The following TSHZ3 variants were observed in gnomAD, a reference collection of about 807,000 sequenced individuals.
TSHZ3 encodes teashirt zinc finger homeobox 3, also known as teashirt homolog 3.
Under a neutral mutation model 64.5 loss-of-function variants are expected in TSHZ3, and 10 were observed. The ratio of observed to expected loss-of-function variants is 0.16; its 90% confidence interval spans 0.10 to 0.26. TSHZ3 has a LOEUF of 0.26. TSHZ3 is among the 10% of genes least tolerant of loss of function. The pLI, the probability that TSHZ3 is intolerant of heterozygous loss-of-function variation, is 1.00. For missense variants in TSHZ3, 1,242 were observed against 1,421.7 expected, an observed-to-expected ratio of 0.87 and a Z score of 2.03; for synonymous variants, 608 against 593.1, an observed-to-expected ratio of 1.03 and a Z score of -0.36.
intron 1 of TSHZ3, among the ~76,000 whole-genome samples, chr19:31,265,981 G>A (rs1976049251): frequency 6.6e-6 from 1 of 152,134 alleles, no homozygotes; most frequent in Non-Finnish European, 1.5e-5. Flanking sequence ...AAGATCCTGA[G>A]CAAATTCCTG....
chr19:31,305,476 C>A (rs1229292957), intron 1 of TSHZ3: 1 of 152,204 alleles, frequency 6.6e-6, no homozygotes, highest in African/African-American at 2.4e-5. Flanking sequence ...AGGAAAAGCA[C>A]TAATTTCATA....
chr19:31,183,228 T>TTC (rs71173953), intron 5 of TSHZ3, among the ~76,000 whole-genome samples: 506 of 12,450 alleles, frequency 0.041, 23 homozygotes, highest in African/African-American at 0.093. Context: ...CTCTCTCTCT[T>TTC]TCTCTCTCTC....
intron 1 of TSHZ3, among the ~76,000 whole-genome samples, chr19:31,290,914 T>C (rs1976554458): frequency 6.6e-6 from 1 of 152,232 alleles, no homozygotes; most frequent in Non-Finnish European, 1.5e-5. Context: ...GTCAGGAATA[T>C]TAATTTTGTA....
chr19:31,243,738 C>T (rs983218174), intron 1 of TSHZ3, among the ~76,000 whole-genome samples: 3 of 152,224 alleles, frequency 2.0e-5, no homozygotes, highest in Admixed American at 2.0e-4. Context: ...GAGTGGTGTT[C>T]ATCGAGCTCT....
chr19:31,257,837 C>A (rs535318862), intron 1 of TSHZ3, among the ~76,000 whole-genome samples: 1 of 152,122 alleles, frequency 6.6e-6, no homozygotes, highest in Non-Finnish European at 1.5e-5. Flanking sequence ...AAGTTGGGCA[C>A]GAAAGCAGAT....
intron 3 of TSHZ3, among the ~76,000 whole-genome samples, chr19:31,241,683 C>T (rs571565773): frequency 2.9e-4 from 44 of 152,348 alleles, no homozygotes; most frequent in African/African-American, 9.6e-4. Context: ...CTCAGCTCAG[C>T]ATGCCCACCA....
At chr19:31,202,350 A>T (rs757799442) in intron 5 of TSHZ3, among the ~76,000 whole-genome samples, 1 of 152,196 alleles carries the variant, frequency 6.6e-6, no homozygotes, top group Non-Finnish European at 1.5e-5. Context: ...CGCTGTATGT[A>T]TATGTATATT....
chr19:31,263,439 C>T (rs1465788679), intron 1 of TSHZ3, among the ~76,000 whole-genome samples: 2 of 131,206 alleles, frequency 1.5e-5, no homozygotes, highest in African/African-American at 4.9e-5. Context: ...CCGCTGCCCA[C>T]GGCTGCCCCC....
intron 3 of TSHZ3, among the ~76,000 whole-genome samples, chr19:31,236,982 C>T (rs1000432262): frequency 6.6e-6 from 1 of 152,162 alleles, no homozygotes; most frequent in African/African-American, 2.4e-5. Flanking sequence ...AACCCCGTCT[C>T]TACTAAAAAT....
rs539420888 is a variant in TSHZ3, at chr19:31,251,388, T to A, written n.64-8513A>T. On this transcript the variant is annotated intron_variant and non_coding_transcript_variant, in intron 1 of 6. Coordinates refer to the TSHZ3 transcript ENST00000651361. ...AAAGCAGAAGAGGTGGTCTTACTAA[T>A]TCCAAACCAGTTGTTCCTTATTCCA... 2.0e-5 allele frequency among the ~76,000 whole-genome samples: 3 copies of A among 152,280 alleles called. No homozygotes were observed. In the South Asian group the frequency reaches 6.2e-4, roughly 32 times the overall value.
intron 1 of TSHZ3, among the ~76,000 whole-genome samples, chr19:31,307,516 CA>C (rs113125316): frequency 0.033 from 4,971 of 152,250 alleles, 302 homozygotes; most frequent in African/African-American, 0.12. Flanking sequence ...GCTGGTGTTC[CA>C]TTAGGACCCC....
intron 5 of TSHZ3, among the ~76,000 whole-genome samples, chr19:31,187,005 T>C (rs76045363): frequency 0.04 from 6,084 of 152,030 alleles, 401 homozygotes; most frequent in African/African-American, 0.14. Context: ...TGCCAACTAA[T>C]ATATTTTATT....
intron 4 of TSHZ3, among the ~76,000 whole-genome samples, chr19:31,222,655 C>T (rs1385790986): frequency 4.6e-5 from 7 of 152,264 alleles, no homozygotes; most frequent in Non-Finnish European, 2.9e-5. Context: ...GTATCTTCTA[C>T]GGGGCTTAGC....
At chr19:31,171,089 A>G (rs1046951612) in intron 5 of TSHZ3, among the ~76,000 whole-genome samples, 35 of 152,134 alleles carry the variant, frequency 2.3e-4, no homozygotes, top group Non-Finnish European at 3.7e-4. Flanking sequence ...GGTGGGAAAA[A>G]TGGTCTCAGT....
chr19:31,302,420 C>T (rs1976771041), intron 1 of TSHZ3, among the ~76,000 whole-genome samples: 1 of 152,228 alleles, frequency 6.6e-6, no homozygotes, highest in Non-Finnish European at 1.5e-5. Flanking sequence ...AAAGTACTCA[C>T]ACCTGTTCAT....
At chr19:31,215,203 A>G (rs948884110) in intron 4 of TSHZ3, among the ~76,000 whole-genome samples, 13 of 152,162 alleles carry the variant, frequency 8.5e-5, no homozygotes, top group African/African-American at 3.1e-4. Flanking sequence ...AATATGAGTC[A>G]GGTCTTTACT....
intron 1 of TSHZ3, among the ~76,000 whole-genome samples, chr19:31,243,572 G>T (rs758761001): frequency 6.6e-6 from 1 of 152,230 alleles, no homozygotes. Flanking sequence ...AGTGGTGACC[G>T]CCCTGCCGCC....
At chr19:31,164,082 C>T (rs1285227147) in intron 5 of TSHZ3, among the ~76,000 whole-genome samples, 2 of 152,284 alleles carry the variant, frequency 1.3e-5, no homozygotes, top group East Asian at 3.9e-4. Flanking sequence ...GCTCCAGAGT[C>T]CAGACCCTTG....
At chr19:31,213,296 G>T (rs1599586473) in intron 4 of TSHZ3, among the ~76,000 whole-genome samples, 1 of 133,086 alleles carries the variant, frequency 7.5e-6, no homozygotes, top group Admixed American at 8.8e-5. Context: ...GGCAGAGGTT[G>T]CAGTGTGCCA....
Sources: gnomAD v4.1 joint callset for allele counts (sites outside exome capture counted in the v4.1 genomes callset) on GRCh38, gnomAD v4.1.1 for gene constraint, MANE v1.5 for transcripts, NCBI Gene and HGNC (gene_info 2026-07-23, HGNC 2026-07-21) for gene names.